The following KCNT1 variants were observed in gnomAD, a reference collection of about 807,000 sequenced individuals.
The protein encoded by KCNT1 is potassium sodium-activated channel subfamily T member 1, also known as potassium channel subfamily T member 1.
A neutral mutation model predicts 147.8 loss-of-function variants in KCNT1; 78 were observed. That is an observed-to-expected ratio of 0.53 (90% CI 0.44 to 0.64). KCNT1 has a LOEUF of 0.64. Ranked by LOEUF, KCNT1 falls within the 30% of genes least tolerant of loss-of-function variation. The pLI is 0.00. For missense variants in KCNT1, 1,419 were observed against 1,750.3 expected, an observed-to-expected ratio of 0.81 and a Z score of 3.38; for synonymous variants, 867 against 748.8, an observed-to-expected ratio of 1.16 and a Z score of -2.58.
In KCNT1 at chr9:135,765,235, C is replaced by T. The variant is rs766042630; in HGVS notation, c.1200+40C>T. ...CGTGGCCCAGCAGACGACTCCCTCC[C>T]GGCCCCTAGAGACGCCATCCTCTCC... is the stretch of plus-strand genomic sequence containing the variant. On this transcript the variant is annotated intron_variant, in intron 12 of 30. Transcript: ENST00000371757. 3.0e-5 allele frequency: 48 copies of T among 1,582,908 alleles called. No individual in the cohort carries two copies. The African/African-American group carries it at 3.5e-4, about 12-fold the overall frequency.
chr9:135,766,964 A>T (rs1048749979), intron 13 of KCNT1, among the ~76,000 whole-genome samples: 4 of 152,146 alleles, frequency 2.6e-5, no homozygotes, highest in South Asian at 2.1e-4. Flanking sequence ...AGTTCCTTTT[A>T]AAGACAAATT....
chr9:135,729,900 C>T (rs1458724087), intron 2 of KCNT1, among the ~76,000 whole-genome samples: 1 of 152,174 alleles, frequency 6.6e-6, no homozygotes, highest in African/African-American at 2.4e-5. Context: ...CAGGTACTTC[C>T]CCCTGGTCAC....
At chr9:135,711,893 G>A (rs575908059) in intron 1 of KCNT1, among the ~76,000 whole-genome samples, 2 of 152,316 alleles carry the variant, frequency 1.3e-5, no homozygotes, top group East Asian at 1.9e-4. Context: ...GCCCTGTTCC[G>A]CGTGCCTCAG....
intron 2 of KCNT1, 26 bp from the exon 3 acceptor site, chr9:135,750,072 C>T (rs757619543): frequency 1.9e-6 from 3 of 1,601,702 alleles, no homozygotes; most frequent in Non-Finnish European, 2.6e-6. Context: ...GGCCCTGAGC[C>T]TCCATGCCCC....
At chr9:135,710,725 T>G (rs1487988998) in intron 1 of KCNT1, among the ~76,000 whole-genome samples, 1 of 152,228 alleles carries the variant, frequency 6.6e-6, no homozygotes, top group Non-Finnish European at 1.5e-5. Flanking sequence ...TTTTCACAAC[T>G]GCTGTGGCTG....
chr9:135,784,790 C>A lies in KCNT1; in HGVS notation c.3057C>A (p.Ile1019=). 1 of 1,612,796 alleles carries A rather than the reference C, an allele frequency of 6.2e-7. No homozygotes were observed. Among genetic ancestry groups the A allele is most frequent in the Non-Finnish European group, 8.5e-7 (1 of 1,179,980 alleles). Residue 1019 remains isoleucine (I), a synonymous_variant, in exon 27 of 31, where the codon ATC becomes ATA. Coordinates refer to ENST00000371757, the MANE Select transcript of KCNT1 (RefSeq NM_020822.3). ...AAATCACCGAGGGCGACCTGTGGAT[C>A]CGCACGTACGGCCGCCTCTTCCAGA... is the stretch of plus-strand genomic sequence containing the variant. ...AMKITEGDLW[I]RTYGRLFQKL... is the part of the protein sequence containing the mutation.
intron 2 of KCNT1, among the ~76,000 whole-genome samples, chr9:135,746,041 G>A (rs1830817262): frequency 6.6e-6 from 1 of 152,280 alleles, no homozygotes; most frequent in Non-Finnish European, 1.5e-5. Flanking sequence ...CGTGACTCGT[G>A]AAGACAGATC....
chr9:135,791,558 C>T lies in KCNT1; in HGVS notation c.3503-239C>T, dbSNP rs946300135. The T allele has an allele frequency of 1.8e-4, 92 of 525,266 alleles. 1 individual carries two copies. Among genetic ancestry groups the T allele is most frequent in the African/African-American group, 9.8e-4 (51 of 52,184 alleles). 32.5% of individuals were successfully genotyped at this position (525,266 alleles called of 1,614,324 possible). ...TGCCACCTAGCACCAGAGGTGGGTG[C>T]GGGTCAGAGCTGGCTCCCAGCTGCC... On this transcript the variant is annotated intron_variant, in intron 29 of 30. Transcript: ENST00000371757.
At position 135,752,804 on chromosome 9, in the gene KCNT1, G is replaced by GGATC. The variant is rs1272236092; in HGVS notation, c.435-1133_435-1132insGATC. 6.7e-6 allele frequency among the ~76,000 whole-genome samples: 1 copy of GGATC among 150,266 alleles called. No homozygotes were observed. The highest frequency in any genetic ancestry group is 2.0e-4 in the East Asian group (1 of 5,070). The stretch of plus-strand genomic sequence containing the variant: ...ATGATGGATGGATGGATGGATGGAT[G>GGATC]ATGCGTGGATGGGTGGAGGGATGGA... On this transcript the variant is annotated intron_variant, in intron 4 of 30. Coordinates refer to ENST00000371757, the MANE Select transcript of KCNT1 (RefSeq NM_020822.3). The surrounding 1 kb of genome is among the most constrained non-coding windows in gnomAD (Gnocchi z 5.1).
At chr9:135,704,813 AG>A (rs1397679166) in intron 1 of KCNT1, among the ~76,000 whole-genome samples, 1 of 152,214 alleles carries the variant, frequency 6.6e-6, no homozygotes, top group Non-Finnish European at 1.5e-5. Context: ...CTTCAGCAGC[AG>A]GAAGTAGCTC....
chr9:135,773,982 A>G (rs1384211907), intron 19 of KCNT1, among the ~76,000 whole-genome samples: 2 of 150,152 alleles, frequency 1.3e-5, no homozygotes, highest in African/African-American at 5.0e-5. Flanking sequence ...CTGTGGTGGG[A>G]GGAGAAAGAC....
At chr9:135,779,581 C>G (rs559020864) in intron 24 of KCNT1, 111 bp downstream of exon 24, 1 of 796,446 alleles carries the variant, frequency 1.3e-6, no homozygotes, top group African/African-American at 1.7e-5. Context: ...CTCCTGCCGC[C>G]CTCCTGCTGG....
Position 135,784,544 on chromosome 9 carries a change from A to G in KCNT1, c.2953A>G (p.Lys985Glu). 1.5e-6 allele frequency: 2 copies of G among 1,348,524 alleles called. No individual in the cohort carries two copies. Among genetic ancestry groups the G allele is most frequent in the Admixed American group, 2.3e-5 (1 of 43,694 alleles). The allele number at this position is 1,348,524 out of a possible 1,614,324, so 83.5% of individuals were successfully genotyped here. ...LDTLLYQSFVKDYMITITRLL... is the reference protein window; with the variant it reads ...LDTLLYQSFVEDYMITITRLL... Reference sequence around the variant, plus strand: ...CTCCCTCCCTGGCCAGTCCTTCGTGAAGGACTACATGATCACCATCACCCG... The same window carrying G: ...CTCCCTCCCTGGCCAGTCCTTCGTGGAGGACTACATGATCACCATCACCCG... The change falls in exon 26 of 31, where the codon AAG (lysine) becomes GAG (glutamate). Residue 985 changes from lysine to glutamate, a missense_variant. Lys to Glu is a moderately conservative substitution (Grantham distance 56). Transcript: ENST00000371757.
intron 2 of KCNT1, among the ~76,000 whole-genome samples, chr9:135,716,157 C>T (rs1198903717): frequency 6.6e-6 from 1 of 152,176 alleles, no homozygotes; most frequent in East Asian, 1.9e-4. Context: ...CAGCACCAGC[C>T]CCTCAGATGC....
intron 2 of KCNT1, among the ~76,000 whole-genome samples, chr9:135,747,726 T>C (rs1310155937): frequency 1.3e-5 from 2 of 152,048 alleles, no homozygotes; most frequent in Non-Finnish European, 2.9e-5. Context: ...TGGGGCACTC[T>C]GGGGGCAGAC....
intron 18 of KCNT1, among the ~76,000 whole-genome samples, chr9:135,771,500 C>T (rs1832760155): frequency 6.6e-6 from 1 of 152,254 alleles, no homozygotes; most frequent in African/African-American, 2.4e-5. Context: ...TGGGGCCGCC[C>T]ACAGGACCGG....
rs1564380286 is a variant in KCNT1, at chr9:135,777,370, G to A, written c.2382G>A (p.Lys794=). Residue 794 remains lysine, a synonymous_variant, in exon 21 of 31, where the codon AAG becomes AAA. Transcript: ENST00000371757. ...AGCACAACAGCTATGAAGACGCCAA[G>A]GCCTACGGGTTCAAGAACAAGCTGA... ...GCKHNSYEDA[K]AYGFKNKLII... is the part of the protein sequence containing the mutation. 4 of 1,614,072 alleles carry A rather than the reference G, an allele frequency of 2.5e-6. No individual in the cohort carries two copies. The highest frequency in any genetic ancestry group is 3.4e-6 in the Non-Finnish European group (4 of 1,179,952).
At chr9:135,787,594 AC>A (rs1834163830) in intron 29 of KCNT1, among the ~76,000 whole-genome samples, 1 of 152,126 alleles carries the variant, frequency 6.6e-6, no homozygotes, top group South Asian at 2.1e-4. Context: ...GGAGCTGCTC[AC>A]GGGTGACTGG....
intron 9 of KCNT1, 43 bp from the exon 10 acceptor site, chr9:135,758,371 G>A (rs1175267796): frequency 1.4e-6 from 2 of 1,463,964 alleles, no homozygotes; most frequent in Non-Finnish European, 1.9e-6. Flanking sequence ...TCCTGGCGGG[G>A]TCCACAGTCC....
Sources: gnomAD v4.1 joint callset for allele counts (sites outside exome capture counted in the v4.1 genomes callset) on GRCh38, gnomAD v4.1.1 for gene constraint, Gnocchi (gnomAD v3.1) non-coding constraint, MANE v1.5 for transcripts, NCBI Gene and HGNC (gene_info 2026-07-23, HGNC 2026-07-21) for gene names.